Variants in NKAIN3 observed in about 807,000 individuals in gnomAD.
NKAIN3 encodes sodium/potassium transporting ATPase interacting 3, also known as sodium/potassium-transporting ATPase subunit beta-1-interacting protein 3.
In NKAIN3, 25 loss-of-function variants were observed where a neutral mutation model predicts 30.2. The ratio of observed to expected loss-of-function variants is 0.83; its 90% CI spans 0.60 to 1.16. The LOEUF (loss-of-function observed/expected upper bound fraction) is 1.16. Ranked by LOEUF, NKAIN3 falls within the 50% of genes most tolerant of loss-of-function variation. The pLI is 0.00. For missense variants in NKAIN3, 225 were observed against 254.1 expected, an observed-to-expected ratio of 0.89 and a Z score of 0.78; for synonymous variants, 91 against 89.6, an observed-to-expected ratio of 1.02 and a Z score of -0.09.
At chr8:62,924,343 C>T (rs760520303) in intron 5 of NKAIN3, among the ~76,000 whole-genome samples, 1 of 152,198 alleles carries the variant, frequency 6.6e-6, no homozygotes, top group Non-Finnish European at 1.5e-5. Context: ...GCACACTGTG[C>T]TTTTTCCTTG....
At chr8:62,761,047 G>A (rs1449365651) in intron 4 of NKAIN3, among the ~76,000 whole-genome samples, 1 of 151,982 alleles carries the variant, frequency 6.6e-6, no homozygotes, top group East Asian at 1.9e-4. Context: ...ATTTCTCCTA[G>A]TAGGTTTGTC....
At chr8:62,328,719 A>T (rs59691579) in intron 1 of NKAIN3, among the ~76,000 whole-genome samples, 1 of 152,132 alleles carries the variant, frequency 6.6e-6, no homozygotes, top group Non-Finnish European at 1.5e-5. Context: ...AGAACTTTGC[A>T]TAAATGTGTT....
intron 5 of NKAIN3, chr8:62,990,503 A>T (rs933503919): frequency 1.8e-5 from 8 of 446,638 alleles, no homozygotes; most frequent in Non-Finnish European, 2.2e-5. Flanking sequence ...CTTACCTGGA[A>T]TTTCCACTAA....
chr8:62,519,048 C>A (rs544077690), intron 1 of NKAIN3, among the ~76,000 whole-genome samples: 2 of 152,186 alleles, frequency 1.3e-5, no homozygotes, highest in East Asian at 3.9e-4. Flanking sequence ...CAAAATATTT[C>A]ATGTAGATCT....
intron 3 of NKAIN3, among the ~76,000 whole-genome samples, chr8:62,719,954 T>G (rs1815037065): frequency 6.6e-6 from 1 of 152,036 alleles, no homozygotes; most frequent in Non-Finnish European, 1.5e-5. Context: ...AGACGAGGTT[T>G]CACCGTGTTA....
At chr8:62,512,715 A>C (rs1410502770) in intron 1 of NKAIN3, among the ~76,000 whole-genome samples, 1 of 142,932 alleles carries the variant, frequency 7.0e-6, no homozygotes, top group Non-Finnish European at 1.5e-5. Flanking sequence ...CTGTGTTAGT[A>C]CTGAAGCTGC....
chr8:62,870,399 TTGTACATATATACAATATA>T lies in NKAIN3; in HGVS notation c.472-48033_472-48015del, dbSNP rs1203033015. 2.8e-4 allele frequency among the ~76,000 whole-genome samples: 38 copies of T among 137,052 alleles called. 1 individual carries two copies. The highest frequency in any genetic ancestry group is 6.7e-4 in the Admixed American group (9 of 13,446). The allele number at this position is 137,052 out of a possible 152,430, so 89.9% of individuals were successfully genotyped here. ...ATACACTATATATGTACAATATACA[TTGTACATATATACAATATA>T]TGTACATATATACAATATATACATA... On this transcript the variant is annotated intron_variant, in intron 4 of 6. Transcript: ENST00000623646.
intron 4 of NKAIN3, among the ~76,000 whole-genome samples, chr8:62,895,846 T>C (rs1007916036): frequency 3.3e-5 from 5 of 152,188 alleles, no homozygotes; most frequent in African/African-American, 1.2e-4. Context: ...GCTAACTCCC[T>C]GGTTTTATCT....
chr8:62,596,964 GTCT>G (rs758788788), intron 3 of NKAIN3, among the ~76,000 whole-genome samples: 8 of 152,198 alleles, frequency 5.3e-5, no homozygotes, highest in Non-Finnish European at 8.8e-5. Context: ...ACAGCCACAA[GTCT>G]TCTTTAGCAG....
chr8:62,268,610 G>A (rs1407802408), intron 1 of NKAIN3, among the ~76,000 whole-genome samples: 1 of 152,168 alleles, frequency 6.6e-6, no homozygotes, highest in Non-Finnish European at 1.5e-5. Flanking sequence ...TACCTGTTAT[G>A]TTAGGTATTG....
chr8:62,471,555 G>C (rs1163723453), intron 1 of NKAIN3, among the ~76,000 whole-genome samples: 1 of 152,164 alleles, frequency 6.6e-6, no homozygotes, highest in Admixed American at 6.5e-5. Flanking sequence ...GCTGTCTCCT[G>C]TTGGAGGAAG....
intron 3 of NKAIN3, among the ~76,000 whole-genome samples, chr8:62,693,221 G>T (rs1163934386): frequency 6.6e-6 from 1 of 152,146 alleles, no homozygotes; most frequent in Admixed American, 6.5e-5. Flanking sequence ...TTGGAAGATG[G>T]TTTTACTGAT....
intron 1 of NKAIN3, among the ~76,000 whole-genome samples, chr8:62,285,071 A>G (rs1813334908): frequency 6.6e-6 from 1 of 152,186 alleles, no homozygotes; most frequent in African/African-American, 2.4e-5. Context: ...CTAAAGGGGT[A>G]CTATCCTGGG....
At chr8:62,393,262 G>T (rs1817627718) in intron 1 of NKAIN3, among the ~76,000 whole-genome samples, 2 of 151,816 alleles carry the variant, frequency 1.3e-5, no homozygotes, top group African/African-American at 4.8e-5. Context: ...TGATAATCAG[G>T]TTTGTATACT....
intron 1 of NKAIN3, among the ~76,000 whole-genome samples, chr8:62,424,031 G>C (rs1173956469): frequency 6.6e-6 from 1 of 151,892 alleles, no homozygotes; most frequent in Non-Finnish European, 1.5e-5. Context: ...TGAAGCAAAA[G>C]ATTCTTCACC....
intron 4 of NKAIN3, among the ~76,000 whole-genome samples, chr8:62,894,570 C>G (rs572196759): frequency 6.6e-6 from 1 of 152,132 alleles, no homozygotes; most frequent in Admixed American, 6.6e-5. Flanking sequence ...TTCCTCCCAG[C>G]CTTTAAACCA....
intron 4 of NKAIN3, among the ~76,000 whole-genome samples, chr8:62,911,469 G>A (rs1347249444): frequency 3.3e-5 from 5 of 152,032 alleles, no homozygotes; most frequent in Non-Finnish European, 7.4e-5. Context: ...CTGTCTATAG[G>A]CAAAACAACA....
At chr8:62,658,705 T>G (rs1812843131) in intron 3 of NKAIN3, among the ~76,000 whole-genome samples, 1 of 152,184 alleles carries the variant, frequency 6.6e-6, no homozygotes, top group African/African-American at 2.4e-5. Context: ...TATGCATTTG[T>G]TGATTTGATT....
chr8:62,435,531 A>G (rs940228244), intron 1 of NKAIN3, among the ~76,000 whole-genome samples: 1 of 152,192 alleles, frequency 6.6e-6, no homozygotes, highest in African/African-American at 2.4e-5. Context: ...ATCCTTTGCC[A>G]TATCTTTACA....
Sources: allele counts gnomAD v4.1 joint callset (sites outside exome capture counted in the v4.1 genomes callset), GRCh38; gene constraint gnomAD v4.1.1; transcripts MANE v1.5; gene names NCBI Gene and HGNC (gene_info 2026-07-23, HGNC 2026-07-21).